DEAF1: variants seen among roughly 807,000 people sequenced by gnomAD.
The protein encoded by DEAF1 is deformed epidermal autoregulatory factor 1 homolog.
DEAF1 carries 53 observed loss-of-function variants against 58.9 expected under a neutral mutation model. The ratio of observed to expected loss-of-function variants is 0.90; its 90% CI spans 0.72 to 1.13. The LOEUF (loss-of-function observed/expected upper bound fraction) is 1.13. Ranked by LOEUF, DEAF1 falls within the 50% of genes most tolerant of loss-of-function variation. The pLI, the probability that DEAF1 is intolerant of heterozygous loss-of-function variation, is 0.00. For missense variants in DEAF1, 685 were observed against 791.4 expected, an observed-to-expected ratio of 0.87 and a Z score of 1.61; for synonymous variants, 385 against 340.4, an observed-to-expected ratio of 1.13 and a Z score of -1.44.
At chr11:704,704 CAG>C in intron 1 of DEAF1, 1 of 1,237,358 alleles carries the variant, frequency 8.1e-7, no homozygotes, top group South Asian at 1.3e-5. Flanking sequence ...ACCTGTTCCA[CAG>C]GGAACGCCAT....
At chr11:647,831 T>C (rs1858570907) in intron 11 of DEAF1, among the ~76,000 whole-genome samples, 1 of 150,934 alleles carries the variant, frequency 6.6e-6, no homozygotes, top group African/African-American at 2.4e-5. Flanking sequence ...TGGGTGGACT[T>C]GACCCAGGCG....
intron 10 of DEAF1, among the ~76,000 whole-genome samples, chr11:663,309 G>A (rs1294616933): frequency 6.6e-6 from 1 of 152,204 alleles, no homozygotes; most frequent in Admixed American, 6.5e-5. Context: ...TTAGCCAGAC[G>A]TGGTGGCGCG....
At chr11:705,751 C>T (rs774823893) in intron 1 of DEAF1, among the ~76,000 whole-genome samples, 1 of 152,184 alleles carries the variant, frequency 6.6e-6, no homozygotes, top group Non-Finnish European at 1.5e-5. Flanking sequence ...CCTGGCCCGG[C>T]GGAGGCTCTG....
In DEAF1 at chr11:681,009, G is replaced by A; in HGVS notation, c.951C>T (p.Asp317=). The change falls in exon 7 of 12, where the codon GAC becomes GAT. Residue 317 remains aspartate (D), a synonymous_variant. Transcript: ENST00000382409. ...GAAGCAATGTGATGTTCTTGGGGGA[G>A]TCCTTCTTCACGGGAGTTGTGGGCA... ...NELPTTPVKK[D]SPKNITLLPA... 6.2e-7 allele frequency: 1 copy of A among 1,614,198 alleles called. No homozygotes were observed. The highest frequency in any genetic ancestry group is 8.5e-7 in the Non-Finnish European group (1 of 1,180,032).
upstream of DEAF1, chr11:698,832 G>T (rs748111244): frequency 5.6e-6 from 9 of 1,613,752 alleles, no homozygotes; most frequent in African/African-American, 1.2e-4. Flanking sequence ...CATCCTGGTG[G>T]CTGTCAGGCC....
chr11:704,775 G>A, intron 1 of DEAF1: 1 of 659,060 alleles, frequency 1.5e-6, no homozygotes, highest in Non-Finnish European at 2.2e-6. Flanking sequence ...TGTCTCCTGA[G>A]GGCAGGCTCC....
At chr11:664,045 T>G (rs1859428569) in intron 10 of DEAF1, among the ~76,000 whole-genome samples, 1 of 151,990 alleles carries the variant, frequency 6.6e-6, no homozygotes, top group Admixed American at 6.6e-5. Flanking sequence ...AAACCCCATC[T>G]CTACTAAAAA....
At chr11:656,865 CTTTTT>C (rs576045088) in intron 10 of DEAF1, among the ~76,000 whole-genome samples, 2 of 147,158 alleles carry the variant, frequency 1.4e-5, no homozygotes, top group East Asian at 3.9e-4. Flanking sequence ...CTTTGCAAAA[CTTTTT>C]TTTTTTTTTA....
intron 9 of DEAF1, among the ~76,000 whole-genome samples, chr11:675,994 TGGCACCCCCCGGC>T (rs1860042210): frequency 7.4e-5 from 1 of 13,542 alleles, no homozygotes; most frequent in Admixed American, 1.4e-3. Context: ...CCGGGGCACC[TGGCACCCCCCGGC>T]ACCCGACACC....
At chr11:701,451 C>T (rs1323269930) in intron 1 of DEAF1, among the ~76,000 whole-genome samples, 2 of 146,210 alleles carry the variant, frequency 1.4e-5, no homozygotes, top group African/African-American at 2.5e-5. Context: ...CGCTCTGTCG[C>T]CCAGGCTGGA....
chr11:693,902 T>G (rs185688901), intron 1 of DEAF1, among the ~76,000 whole-genome samples: 1 of 151,968 alleles, frequency 6.6e-6, no homozygotes, highest in East Asian at 1.9e-4. Flanking sequence ...AGCAGGTCCT[T>G]AGGGAAAAAG....
intron 10 of DEAF1, among the ~76,000 whole-genome samples, chr11:665,359 A>G (rs193086113): frequency 2.0e-5 from 3 of 152,340 alleles, no homozygotes; most frequent in Non-Finnish European, 4.4e-5. Context: ...TGGCTCAGCT[A>G]TTCAAGTAAT....
chr11:680,237 C>CA (rs1219826140), intron 7 of DEAF1, among the ~76,000 whole-genome samples: 5 of 151,548 alleles, frequency 3.3e-5, no homozygotes, highest in South Asian at 4.2e-4. Flanking sequence ...CTCTCCAGCT[C>CA]AAAAAAAAAT....
At chr11:706,944 TC>T (rs1861738966) in exon 1 of DEAF1, 1 of 152,242 alleles carries the variant, frequency 6.6e-6, no homozygotes, top group Admixed American at 6.5e-5. Flanking sequence ...CATCCTAGAT[TC>T]CTGGTCCCTG....
At chr11:700,967 A>C (rs1449771478) in intron 1 of DEAF1, 2 of 478,152 alleles carry the variant, frequency 4.2e-6, no homozygotes, top group Non-Finnish European at 3.7e-6. Context: ...GCCACTGGGT[A>C]ATGGCACTGA....
intron 10 of DEAF1, among the ~76,000 whole-genome samples, chr11:673,219 T>G (rs1302201467): frequency 1.3e-5 from 2 of 151,956 alleles, no homozygotes; most frequent in Non-Finnish European, 2.9e-5. Flanking sequence ...AATACATAAA[T>G]AAAAAGTTCT....
intron 10 of DEAF1, among the ~76,000 whole-genome samples, chr11:658,771 A>G (rs1236465895): frequency 6.6e-6 from 1 of 152,256 alleles, no homozygotes; most frequent in Non-Finnish European, 1.5e-5. Context: ...AGAGACTGCG[A>G]AGGGGTTTCC....
chr11:652,367 G>A (rs1282224370), intron 11 of DEAF1, among the ~76,000 whole-genome samples: 1 of 152,184 alleles, frequency 6.6e-6, no homozygotes, highest in African/African-American at 2.4e-5. Flanking sequence ...GCTGGGTGCC[G>A]TGGCTCACAC....
chr11:652,024 T>C (rs943263978), intron 11 of DEAF1, among the ~76,000 whole-genome samples: 1 of 152,152 alleles, frequency 6.6e-6, no homozygotes, highest in African/African-American at 2.4e-5. Context: ...CCAACCTAAC[T>C]GATATCTAAT....
Sources: allele counts gnomAD v4.1 joint callset (sites outside exome capture counted in the v4.1 genomes callset), GRCh38; gene constraint gnomAD v4.1.1; transcripts MANE v1.5; gene names NCBI Gene and HGNC (gene_info 2026-07-23, HGNC 2026-07-21).